Variants in PCNT observed in about 807,000 individuals in gnomAD.
PCNT encodes the protein pericentrin, also known as kendrin.
PCNT carries 319 observed loss-of-function variants against 380.4 expected under a neutral mutation model. The ratio of observed to expected loss-of-function variants is 0.84; its 90% confidence interval spans 0.77 to 0.92. PCNT has a LOEUF of 0.92. Ranked by LOEUF, PCNT falls within the 40% of genes least tolerant of loss-of-function variation. The probability of loss-of-function intolerance (pLI) is 0.00; values close to 1 mark genes in which losing one functional copy is unlikely to be tolerated. For synonymous variants in PCNT, 1,845 were observed against 1,735.2 expected (o/e 1.06, Z -1.57); for missense variants, 4,400 against 4,255.3 (o/e 1.03, Z -0.95).
rs750958898 is a variant in PCNT, at chr21:46,416,562, C to A, written c.6644C>A (p.Pro2215Gln). Residue 2215 changes from proline (P) to glutamine (Q), a missense_variant, in exon 30 of 47, where the codon CCG becomes CAG. Transcript: ENST00000359568. ...GCAGAGGCTGGGCCCCGGAAGAGCC[C>A]GGTCGGGATGCTGGACCTGTCTTCC... is the stretch of plus-strand genomic sequence containing the variant. The part of the protein sequence containing the change: ...HTAEAGPRKS[P>Q]VGMLDLSSWS... The A allele has an allele frequency of 6.2e-7, 1 of 1,612,166 alleles. No homozygotes were observed. Among genetic ancestry groups the A allele is most frequent in the Admixed American group, 1.7e-5 (1 of 59,880 alleles).
intron 13 of PCNT, 113 bp from the exon 14 acceptor site, chr21:46,363,367 T>C (rs1307775754): frequency 3.8e-6 from 3 of 787,122 alleles, no homozygotes; most frequent in Non-Finnish European, 6.8e-6. Flanking sequence ...TGCAGCGTAA[T>C]GGGTGTGTGT....
At chr21:46,420,065 G>T (rs1335468674) in intron 31 of PCNT, among the ~76,000 whole-genome samples, 3 of 152,186 alleles carry the variant, frequency 2.0e-5, no homozygotes, top group Non-Finnish European at 4.4e-5. Flanking sequence ...CCTGTCCACT[G>T]CCTCTGTGCC....
intron 31 of PCNT, chr21:46,420,450 T>G (rs975800640): frequency 1.3e-5 from 2 of 152,260 alleles, no homozygotes; most frequent in African/African-American, 2.4e-5. Context: ...ATCCTAACTG[T>G]TCCTCTCTCC....
intron 15 of PCNT, among the ~76,000 whole-genome samples, chr21:46,375,220 G>A (rs748612207): frequency 5.3e-5 from 8 of 152,260 alleles, no homozygotes; most frequent in Non-Finnish European, 7.4e-5. Context: ...GAAGTGAATC[G>A]CATGCGGCCG....
At chr21:46,408,358 A>C (rs1005825977) in intron 27 of PCNT, among the ~76,000 whole-genome samples, 9 of 152,198 alleles carry the variant, frequency 5.9e-5, no homozygotes, top group Non-Finnish European at 1.2e-4. Flanking sequence ...GCCACCATAA[A>C]CTTTCATGCA....
chr21:46,368,088 G>A (rs2084990250), intron 15 of PCNT, among the ~76,000 whole-genome samples: 1 of 152,160 alleles, frequency 6.6e-6, no homozygotes, highest in African/African-American at 2.4e-5. Context: ...CCAGGAAGTC[G>A]AGGCTGCAGG....
intron 41 of PCNT, among the ~76,000 whole-genome samples, chr21:46,439,445 C>T (rs1250185427): frequency 6.6e-6 from 1 of 152,210 alleles, no homozygotes; most frequent in Non-Finnish European, 1.5e-5. Flanking sequence ...CAGGGATCCT[C>T]CTGCCTCAGC....
intron 15 of PCNT, among the ~76,000 whole-genome samples, chr21:46,369,009 G>T (rs2085027463): frequency 6.6e-6 from 1 of 152,232 alleles, no homozygotes; most frequent in South Asian, 2.1e-4. Context: ...GTAAGAACAG[G>T]AGAAAAGTGG....
chr21:46,353,078 G>T, intron 9 of PCNT, 26 bp from the exon 10 acceptor site: 1 of 1,596,574 alleles, frequency 6.3e-7, no homozygotes, highest in South Asian at 1.1e-5. Flanking sequence ...ATTTTAAGAC[G>T]ATTGCCTGAC....
chr21:46,380,444 G>A (rs1158014382), intron 15 of PCNT, among the ~76,000 whole-genome samples: 1 of 151,958 alleles, frequency 6.6e-6, no homozygotes, highest in Non-Finnish European at 1.5e-5. Context: ...ACAGGCGTGA[G>A]CCACCGCGCC....
chr21:46,368,946 CAGT>C (rs796767008), intron 15 of PCNT, among the ~76,000 whole-genome samples: 2 of 152,368 alleles, frequency 1.3e-5, no homozygotes, highest in African/African-American at 4.8e-5. Context: ...CTGTGGGGAA[CAGT>C]TGTGAGGCTC....
chr21:46,361,417 C>T (rs1182925403), intron 13 of PCNT, among the ~76,000 whole-genome samples: 1 of 152,166 alleles, frequency 6.6e-6, no homozygotes, highest in Non-Finnish European at 1.5e-5. Flanking sequence ...AAAGAATACA[C>T]ATTCTTAACC....
intron 31 of PCNT, 38 bp downstream of exon 31, chr21:46,418,344 A>T (rs1166811333): frequency 8.3e-7 from 1 of 1,210,018 alleles, no homozygotes; most frequent in Non-Finnish European, 1.2e-6. Flanking sequence ...TTTTTATTTC[A>T]GTGGTTTCCT....
chr21:46,408,286 T>C (rs936719794), intron 27 of PCNT, among the ~76,000 whole-genome samples: 2 of 152,236 alleles, frequency 1.3e-5, no homozygotes, highest in Non-Finnish European at 2.9e-5. Flanking sequence ...CACAGTTTGT[T>C]GATCCATTCA....
chr21:46,434,728 T>C (rs2087895835), intron 38 of PCNT, among the ~76,000 whole-genome samples: 1 of 152,224 alleles, frequency 6.6e-6, no homozygotes. Context: ...GCTTAGGAGC[T>C]CAGGCCCACG....
intron 33 of PCNT, among the ~76,000 whole-genome samples, chr21:46,426,422 G>A (rs1343166501): frequency 6.6e-6 from 1 of 152,222 alleles, no homozygotes; most frequent in South Asian, 2.1e-4. Flanking sequence ...GGCTCTCGGG[G>A]CAGGTTCCCT....
intron 11 of PCNT, among the ~76,000 whole-genome samples, chr21:46,355,189 C>T (rs917856474): frequency 2.0e-5 from 3 of 152,200 alleles, no homozygotes; most frequent in Non-Finnish European, 4.4e-5. Flanking sequence ...AGGGCCCTGC[C>T]GCCCTGAGGA....
At chr21:46,429,291 G>A (rs140070906) in intron 35 of PCNT, among the ~76,000 whole-genome samples, 212 of 98,048 alleles carry the variant, frequency 2.2e-3, no homozygotes, top group South Asian at 8.7e-3. Context: ...GGGCATGGGC[G>A]GGGGGTGCCG....
At chr21:46,328,554 G>T (rs1380356096) in intron 2 of PCNT, among the ~76,000 whole-genome samples, 1 of 152,176 alleles carries the variant, frequency 6.6e-6, no homozygotes, top group Non-Finnish European at 1.5e-5. Flanking sequence ...TCTGCCTCCT[G>T]GGTTCAAGCG....
Sources: allele counts gnomAD v4.1 joint callset (sites outside exome capture counted in the v4.1 genomes callset), GRCh38; gene constraint gnomAD v4.1.1; transcripts MANE v1.5; gene names NCBI Gene and HGNC (gene_info 2026-07-23, HGNC 2026-07-21).